Variants in SLIT3 observed in about 807,000 individuals in gnomAD.
SLIT3 encodes slit guidance ligand 3, also known as slit homolog 3 protein.
In SLIT3, 68 loss-of-function variants were observed where a neutral mutation model predicts 184.0. The observed-to-expected ratio is 0.37, with a 90% CI of 0.30 to 0.45. The LOEUF (loss-of-function observed/expected upper bound fraction) is 0.45, where lower values mean the gene tolerates loss of function less well. SLIT3 is among the 20% of genes least tolerant of loss of function. SLIT3 has a pLI of 1.00. For missense variants in SLIT3, 1,707 were observed against 2,026.0 expected, an observed-to-expected ratio of 0.84 and a Z score of 3.02; for synonymous variants, 831 against 828.6, an observed-to-expected ratio of 1.00 and a Z score of -0.05.
chr5:168,912,265 T>C (rs1411859930), intron 4 of SLIT3, among the ~76,000 whole-genome samples: 1 of 152,214 alleles, frequency 6.6e-6, no homozygotes, highest in Non-Finnish European at 1.5e-5. Context: ...AAACAAAATA[T>C]GTGTTAATTG....
intron 4 of SLIT3, among the ~76,000 whole-genome samples, chr5:168,886,145 T>A (rs899612848): frequency 6.6e-6 from 1 of 152,182 alleles, no homozygotes. Flanking sequence ...CCCATGACAA[T>A]CTGCTTGTAA....
chr5:169,245,184 C>G (rs922949424), intron 2 of SLIT3, among the ~76,000 whole-genome samples: 3 of 152,142 alleles, frequency 2.0e-5, no homozygotes. Flanking sequence ...TCCCAGCTCA[C>G]CCTAGTAGAA....
chr5:168,827,811 G>A (rs1757752475), intron 6 of SLIT3, among the ~76,000 whole-genome samples: 1 of 152,194 alleles, frequency 6.6e-6, no homozygotes, highest in South Asian at 2.1e-4. Flanking sequence ...GCAAACAACT[G>A]CCCACAAGCC....
chr5:168,762,589 G>C lies in SLIT3; in HGVS notation c.1560C>G (p.Asn520Lys). 6.2e-7 allele frequency: 1 copy of C among 1,614,152 alleles called. No homozygotes were observed. The highest frequency in any genetic ancestry group is 8.5e-7 in the Non-Finnish European group (1 of 1,180,030). The part of the protein sequence containing the change: ...RCEGTIVDCS[N>K]QKLVRIPSHL... ...GGCTTGGGATGCGGACCAGCTTCTG[G>C]TTGGAGCAGTCCACAATCGTGCCCT... Residue 520 changes from asparagine (N) to lysine (K), a missense_variant, in exon 15 of 36, where the codon AAC becomes AAG. By Grantham distance (94) the Asn-to-Lys change is moderately conservative. This residue lies in a region of SLIT3 where 1,307 missense variants were observed against 1,511.6 expected (regional missense o/e 0.86). Coordinates refer to ENST00000519560, the MANE Select transcript of SLIT3 (RefSeq NM_003062.4).
At chr5:169,020,344 T>C (rs1273505286) in intron 4 of SLIT3, among the ~76,000 whole-genome samples, 1 of 152,212 alleles carries the variant, frequency 6.6e-6, no homozygotes, top group East Asian at 1.9e-4. Flanking sequence ...GAAATTGGCC[T>C]GGCTTGGTCC....
At chr5:168,763,023 C>T (rs553244043) in intron 14 of SLIT3, among the ~76,000 whole-genome samples, 1 of 152,162 alleles carries the variant, frequency 6.6e-6, no homozygotes, top group South Asian at 2.1e-4. Context: ...GGAAGTGCTC[C>T]TTGGTGCAGG....
chr5:168,995,895 C>A (rs1006764642), intron 4 of SLIT3, among the ~76,000 whole-genome samples: 1 of 152,178 alleles, frequency 6.6e-6, no homozygotes, highest in African/African-American at 2.4e-5. Flanking sequence ...TGTTTGATTT[C>A]CCTGAGAAGG....
Position 169,086,339 on chromosome 5 carries a change from C to A in SLIT3, c.413+107140G>T, listed in dbSNP as rs372902075. 7.9e-5 allele frequency among the ~76,000 whole-genome samples: 12 copies of A among 152,314 alleles called. No homozygotes were observed. In the East Asian group the frequency reaches 2.3e-3, roughly 29 times the overall value. On this transcript the variant is annotated intron_variant, in intron 4 of 35. Coordinates refer to ENST00000519560, the MANE Select transcript of SLIT3 (RefSeq NM_003062.4). ...CATTGTTTGGATCTCAGAATGATTT[C>A]TCTTTAAAGCTTTTGACAAGTGTTG...
intron 4 of SLIT3, among the ~76,000 whole-genome samples, chr5:168,895,810 T>C (rs1760639690): frequency 1.3e-5 from 2 of 152,214 alleles, no homozygotes; most frequent in South Asian, 4.1e-4. Context: ...TGCAGTTCAA[T>C]AGATTTACAC....
At chr5:168,699,958 G>A (rs759641717) in intron 27 of SLIT3, among the ~76,000 whole-genome samples, 3 of 152,184 alleles carry the variant, frequency 2.0e-5, no homozygotes, top group South Asian at 2.1e-4. Context: ...GAGGAAGCAC[G>A]AGGTTGGGAC....
chr5:168,755,389 A>ATTTCTTTCTTTCC (rs1754860152), intron 16 of SLIT3, among the ~76,000 whole-genome samples: 1 of 133,640 alleles, frequency 7.5e-6, no homozygotes, highest in African/African-American at 2.6e-5. Context: ...CAGTGCCGCC[A>ATTTCTTTCTTTCC]TTTCTTTCTT....
intron 30 of SLIT3, 152 bp from the exon 31 acceptor site, chr5:168,686,079 C>G: frequency 1.2e-6 from 1 of 863,198 alleles, no homozygotes; most frequent in Non-Finnish European, 1.6e-6. Context: ...TGCCACTAAC[C>G]GGGGCAAGAC....
At chr5:169,155,961 G>A (rs1459827335) in intron 4 of SLIT3, among the ~76,000 whole-genome samples, 2 of 152,206 alleles carry the variant, frequency 1.3e-5, no homozygotes, top group African/African-American at 4.8e-5. Context: ...GATCCGTGAC[G>A]GGGTAAAGTT....
At chr5:169,293,662 A>G (rs529325455) in intron 1 of SLIT3, among the ~76,000 whole-genome samples, 5 of 152,324 alleles carry the variant, frequency 3.3e-5, no homozygotes. Context: ...CTAGTAGGTG[A>G]CAGAACCGGG....
chr5:169,255,996 T>C (rs1404979488), intron 1 of SLIT3, among the ~76,000 whole-genome samples: 2 of 152,184 alleles, frequency 1.3e-5, no homozygotes, highest in Non-Finnish European at 2.9e-5. Context: ...TGAATAGTAA[T>C]GTCCTAGGCC....
intron 4 of SLIT3, among the ~76,000 whole-genome samples, chr5:169,192,691 A>C (rs1160971966): frequency 6.6e-6 from 1 of 152,164 alleles, no homozygotes; most frequent in African/African-American, 2.4e-5. Flanking sequence ...CTGCAAAGCC[A>C]TCCAGGACTG....
chr5:169,027,397 A>T (rs1279117800), intron 4 of SLIT3, among the ~76,000 whole-genome samples: 1 of 152,216 alleles, frequency 6.6e-6, no homozygotes, highest in Non-Finnish European at 1.5e-5. Flanking sequence ...TAAGTGTTTA[A>T]ACAAGTATTT....
chr5:168,751,050 G>C (rs1201627720), intron 18 of SLIT3, among the ~76,000 whole-genome samples: 4 of 151,920 alleles, frequency 2.6e-5, no homozygotes. Context: ...GAGAGGCTAG[G>C]GGGAGGGAGG....
At chr5:169,058,449 G>A (rs772864974) in intron 4 of SLIT3, among the ~76,000 whole-genome samples, 4 of 152,212 alleles carry the variant, frequency 2.6e-5, no homozygotes, top group Admixed American at 6.5e-5. Flanking sequence ...AGGCAAGAGC[G>A]GCTCAGGACA....
Sources: allele counts gnomAD v4.1 joint callset (sites outside exome capture counted in the v4.1 genomes callset), GRCh38; gene constraint gnomAD v4.1.1; regional missense constraint gnomAD v4.1.1; transcripts MANE v1.5; gene names NCBI Gene and HGNC (gene_info 2026-07-23, HGNC 2026-07-21).